Variants in ATG10 observed in about 807,000 individuals in gnomAD.
ATG10 encodes the protein autophagy related 10, also known as ubiquitin-like-conjugating enzyme ATG10.
Under a neutral mutation model 32.1 loss-of-function variants are expected in ATG10, and 30 were observed. The ratio of observed to expected loss-of-function variants is 0.94; its 90% CI spans 0.70 to 1.27. The LOEUF (loss-of-function observed/expected upper bound fraction) is 1.27, where lower values mean the gene tolerates loss of function less well. ATG10 is among the 50% of genes most tolerant of loss of function. The pLI is 0.00. For synonymous variants in ATG10, 87 were observed against 91.5 expected (o/e 0.95, Z 0.28); for missense variants, 233 against 262.3 (o/e 0.89, Z 0.77).
chr5:82,080,483 T>C (rs1026185771), intron 3 of ATG10, among the ~76,000 whole-genome samples: 12 of 152,232 alleles, frequency 7.9e-5, no homozygotes, highest in Non-Finnish European at 1.5e-4. Context: ...TTCTAGGGTT[T>C]TTATGGTTTT....
At chr5:82,197,728 A>T (rs200032493) in intron 5 of ATG10, among the ~76,000 whole-genome samples, 9 of 102,756 alleles carry the variant, frequency 8.8e-5, no homozygotes, top group South Asian at 2.9e-4. Flanking sequence ...CTTTCTATCT[A>T]TCTATCTATC....
intron 5 of ATG10, among the ~76,000 whole-genome samples, chr5:82,204,258 T>C (rs962877408): frequency 7.9e-5 from 12 of 152,196 alleles, no homozygotes; most frequent in African/African-American, 1.4e-4. Context: ...TTCTTATACA[T>C]TGATTCAACA....
At chr5:81,987,466 A>G in intron 1 of ATG10, 93 bp from the exon 2 acceptor site, 2 of 924,100 alleles carry the variant, frequency 2.2e-6, no homozygotes, top group Non-Finnish European at 3.2e-6. Context: ...CTACATCCCA[A>G]ATTTTGGTTT....
intron 3 of ATG10, among the ~76,000 whole-genome samples, chr5:82,105,306 T>A (rs1256439253): frequency 2.0e-5 from 3 of 152,078 alleles, no homozygotes; most frequent in African/African-American, 7.2e-5. Flanking sequence ...TTCTGAATAT[T>A]TTTTTCCACA....
At chr5:82,015,860 T>G (rs1762271475) in intron 2 of ATG10, among the ~76,000 whole-genome samples, 1 of 152,232 alleles carries the variant, frequency 6.6e-6, no homozygotes, top group Admixed American at 6.5e-5. Flanking sequence ...CTTTGTTCCA[T>G]TGCTGGTGAG....
chr5:82,208,805 T>C (rs1457939558), intron 5 of ATG10, among the ~76,000 whole-genome samples: 1 of 152,240 alleles, frequency 6.6e-6, no homozygotes, highest in Non-Finnish European at 1.5e-5. Flanking sequence ...ACTCCTTTAA[T>C]TGATTTTCAA....
intron 3 of ATG10, among the ~76,000 whole-genome samples, chr5:82,138,882 T>C (rs181222763): frequency 0.034 from 1,325 of 39,534 alleles, 33 homozygotes; most frequent in African/African-American, 0.1. Context: ...CCTCCCCCTC[T>C]CCCTCTCCCT....
In ATG10 at chr5:82,141,786, T is replaced by G. The variant is rs193191603; in HGVS notation, c.217-22613T>G. 1.9e-3 allele frequency among the ~76,000 whole-genome samples: 284 copies of G among 151,822 alleles called. 2 individuals are homozygous for G. Among genetic ancestry groups the G allele is most frequent in the African/African-American group, 6.6e-3 (271 of 41,344 alleles). ...TATTTTTATAATCCAAAATTCTAAC[T>G]AGGGGTTGCAGTTACACACACATAC... On this transcript the variant is annotated intron_variant, in intron 3 of 7. Transcript: ENST00000282185.
chr5:82,197,899 G>C (rs957812779), intron 5 of ATG10, among the ~76,000 whole-genome samples: 2 of 152,140 alleles, frequency 1.3e-5, no homozygotes, highest in Non-Finnish European at 2.9e-5. Context: ...AAGGACTGGA[G>C]TTTAGTAAGA....
chr5:82,033,309 T>A (rs748364773), intron 2 of ATG10, among the ~76,000 whole-genome samples: 13 of 151,978 alleles, frequency 8.6e-5, no homozygotes, highest in Non-Finnish European at 1.9e-4. Flanking sequence ...AATGCAAAAT[T>A]GGCACAATTA....
intron 1 of ATG10, among the ~76,000 whole-genome samples, chr5:81,980,445 C>T (rs1442665366): frequency 3.3e-5 from 5 of 152,160 alleles, no homozygotes; most frequent in Non-Finnish European, 7.4e-5. Context: ...AGTGTTCCTT[C>T]GTCTCTCTCA....
chr5:82,015,524 G>A (rs2149699867), intron 2 of ATG10, among the ~76,000 whole-genome samples: 1 of 152,188 alleles, frequency 6.6e-6, no homozygotes, highest in South Asian at 2.1e-4. Context: ...CTTTGTTCGT[G>A]TCTTTTTATT....
chr5:82,167,917 G>C (rs770033014), intron 4 of ATG10, among the ~76,000 whole-genome samples: 52 of 152,142 alleles, frequency 3.4e-4, no homozygotes, highest in African/African-American at 1.1e-3. Context: ...TGGGAGAGGT[G>C]GTGGGACACA....
At chr5:82,132,266 A>G (rs943791334) in intron 3 of ATG10, among the ~76,000 whole-genome samples, 3 of 151,896 alleles carry the variant, frequency 2.0e-5, no homozygotes, top group Admixed American at 2.0e-4. Flanking sequence ...TTTTATTATT[A>G]TCCTTTAAGT....
At chr5:82,250,644 G>T (rs1747219006) in intron 5 of ATG10, among the ~76,000 whole-genome samples, 1 of 152,174 alleles carries the variant, frequency 6.6e-6, no homozygotes, top group African/African-American at 2.4e-5. Context: ...ATGTTACCCT[G>T]TTGTGTTTCC....
intron 3 of ATG10, among the ~76,000 whole-genome samples, chr5:82,135,367 C>G (rs905066422): frequency 1.3e-5 from 2 of 152,194 alleles, no homozygotes; most frequent in African/African-American, 4.8e-5. Flanking sequence ...CATTTTAGTG[C>G]TATAAATTTT....
chr5:82,193,353 T>C lies in ATG10; in HGVS notation c.453+14766T>C, dbSNP rs1012187403. Among the ~76,000 whole-genome samples the C allele has an allele frequency of 3.3e-5, 5 of 152,244 alleles. No individual in the cohort carries two copies. In the East Asian group the frequency reaches 9.6e-4, roughly 29 times the overall value. On this transcript the variant is annotated intron_variant, in intron 5 of 7. Coordinates refer to ENST00000282185, the MANE Select transcript of ATG10 (RefSeq NM_031482.5). ...GCTTCCTCTCATCAATAGGCTCATT[T>C]TCTGACAGATTTTCTCTCCTATCTC...
intron 2 of ATG10, among the ~76,000 whole-genome samples, chr5:82,055,412 G>A (rs1763560309): frequency 6.6e-6 from 1 of 152,084 alleles, no homozygotes; most frequent in African/African-American, 2.4e-5. Flanking sequence ...AAAGAGACCA[G>A]ATAATTTATT....
At chr5:82,195,582 T>C (rs993296418) in intron 5 of ATG10, among the ~76,000 whole-genome samples, 1 of 152,190 alleles carries the variant, frequency 6.6e-6, no homozygotes, top group African/African-American at 2.4e-5. Context: ...ATTTAACTTT[T>C]TTCTCTATAG....
Sources: allele counts gnomAD v4.1 joint callset (sites outside exome capture counted in the v4.1 genomes callset), GRCh38; gene constraint gnomAD v4.1.1; transcripts MANE v1.5; gene names NCBI Gene and HGNC (gene_info 2026-07-23, HGNC 2026-07-21).